Variants in FRK observed in about 807,000 individuals in gnomAD.
FRK encodes the protein tyrosine-protein kinase FRK.
A neutral mutation model predicts 56.4 loss-of-function variants in FRK; 51 were observed. That is an observed-to-expected ratio of 0.90 (90% CI 0.72 to 1.14). FRK has a LOEUF of 1.14. Among genes scored for constraint, FRK ranks in the 50% most tolerant of loss-of-function variants. FRK has a pLI of 0.00. For synonymous variants in FRK, 245 were observed against 217.9 expected (o/e 1.12, Z -1.10); for missense variants, 570 against 601.4 (o/e 0.95, Z 0.55).
At chr6:115,983,294 C>T (rs186726076) in intron 2 of FRK, among the ~76,000 whole-genome samples, 6 of 152,120 alleles carry the variant, frequency 3.9e-5, no homozygotes, top group South Asian at 2.1e-4. Flanking sequence ...GATTCTGAAG[C>T]CCACACTCTT....
chr6:116,069,310 G>A, the FRK span, among the ~76,000 whole-genome samples: 1 of 152,132 alleles, frequency 6.6e-6, no homozygotes, highest in South Asian at 2.1e-4. Context: ...GACTGAACAT[G>A]AGGATATGTA....
At chr6:116,001,674 G>C (rs1775069097) in intron 2 of FRK, among the ~76,000 whole-genome samples, 1 of 152,118 alleles carries the variant, frequency 6.6e-6, no homozygotes, top group South Asian at 2.1e-4. Flanking sequence ...TCCCTCATTT[G>C]CATAAATGAA....
chr6:115,980,316 T>A (rs947606785), intron 2 of FRK, among the ~76,000 whole-genome samples: 2 of 152,088 alleles, frequency 1.3e-5, no homozygotes, highest in African/African-American at 4.8e-5. Flanking sequence ...AAAAATTATG[T>A]AATTGTAAAA....
chr6:115,985,661 A>G (rs1296325911), intron 2 of FRK, among the ~76,000 whole-genome samples: 2 of 152,034 alleles, frequency 1.3e-5, no homozygotes, highest in Non-Finnish European at 2.9e-5. Flanking sequence ...ACCTACTTCA[A>G]ATAAATATGC....
At chr6:115,986,946 A>T (rs1189905465) in intron 2 of FRK, among the ~76,000 whole-genome samples, 1 of 152,070 alleles carries the variant, frequency 6.6e-6, no homozygotes, top group Non-Finnish European at 1.5e-5. Flanking sequence ...AAATTATCCA[A>T]ACAAACAAAA....
chr6:116,058,610 T>C (rs2114835724), intron 1 of FRK, among the ~76,000 whole-genome samples: 1 of 152,250 alleles, frequency 6.6e-6, no homozygotes, highest in Admixed American at 6.5e-5. Context: ...GAAACCATTC[T>C]ATAAAATGAG....
rs577281777 is a variant in FRK at position 115,991,405 on chromosome 6, G to T, written c.466+12472C>A. ...CCATTCAGTATGATGTTGGCTGTGGGTTTATCATCTAAGGCTCTTATTATT... is the reference window on the plus strand; with the variant it reads ...CCATTCAGTATGATGTTGGCTGTGGTTTTATCATCTAAGGCTCTTATTATT... On this transcript the variant is annotated intron_variant, in intron 2 of 7. Coordinates refer to ENST00000606080, the MANE Select transcript of FRK (RefSeq NM_002031.3). Among the ~76,000 whole-genome samples, 11 of 151,922 alleles carry T rather than the reference G, an allele frequency of 7.2e-5. No homozygotes were observed. In the East Asian group the frequency reaches 1.9e-3, roughly 27 times the overall value.
At chr6:115,994,122 A>G (rs1176993496) in intron 2 of FRK, among the ~76,000 whole-genome samples, 1 of 151,998 alleles carries the variant, frequency 6.6e-6, no homozygotes, top group Non-Finnish European at 1.5e-5. Context: ...AAAAAGTTCT[A>G]TTTCTTTGCC....
intron 1 of FRK, chr6:116,039,223 A>C (rs1776618478): frequency 6.8e-7 from 1 of 1,477,296 alleles, no homozygotes; most frequent in Non-Finnish European, 9.4e-7. Context: ...GAAGGACTGG[A>C]GCAAGGTCGT....
At chr6:116,085,603 A>T in the FRK span, among the ~76,000 whole-genome samples, 3 of 152,192 alleles carry the variant, frequency 2.0e-5, no homozygotes, top group Non-Finnish European at 4.4e-5. Flanking sequence ...ACTGTTCTTA[A>T]TACAATGTCT....
In FRK at chr6:115,966,072, A is replaced by G. The variant is rs866198840; in HGVS notation, c.799+1479T>C. Among the ~76,000 whole-genome samples, 182 of 32,618 alleles carry G rather than the reference A, an allele frequency of 5.6e-3. 4 individuals are homozygous for G. The highest frequency in any genetic ancestry group is 0.033 in the Middle Eastern group (2 of 60). The allele number at this position is 32,618 out of a possible 152,430, so 21.4% of individuals were successfully genotyped here. A position where few individuals can be genotyped will look rare whatever the true frequency, so the allele number is the denominator to read the frequency against. On this transcript the variant is annotated intron_variant, in intron 4 of 7. Coordinates refer to ENST00000606080, the MANE Select transcript of FRK (RefSeq NM_002031.3). Reference sequence around the variant, plus strand: ...TAATAAAAAAAAAATTAAAAAAAAAAAGAAATACTTAAAAAAAAAAGAAGT... The same window carrying G: ...TAATAAAAAAAAAATTAAAAAAAAAGAGAAATACTTAAAAAAAAAAGAAGT...
chr6:115,968,746 C>A lies in FRK; in HGVS notation c.467-7G>T. On this transcript the variant is annotated splice_region_variant and splice_polypyrimidine_tract_variant and intron_variant, in intron 2 of 7. Coordinates refer to ENST00000606080, the MANE Select transcript of FRK (RefSeq NM_002031.3). ...ACAACTGCTCCATCTAAAACTGGAACCCAAAATAATTCCTGTTAATAAACT... is the reference window on the plus strand; with the variant it reads ...ACAACTGCTCCATCTAAAACTGGAAACCAAAATAATTCCTGTTAATAAACT... 2.5e-6 allele frequency: 4 copies of A among 1,607,720 alleles called. No individual in the cohort carries two copies. The highest frequency in any genetic ancestry group is 3.4e-6 in the Non-Finnish European group (4 of 1,176,950).
chr6:116,015,778 G>A (rs1028014187), intron 1 of FRK, among the ~76,000 whole-genome samples: 1 of 152,176 alleles, frequency 6.6e-6, no homozygotes, highest in Non-Finnish European at 1.5e-5. Context: ...CCCTGCCCTA[G>A]TGATCTGTGG....
chr6:116,034,105 C>T (rs538543949), intron 1 of FRK, among the ~76,000 whole-genome samples: 51 of 152,168 alleles, frequency 3.4e-4, no homozygotes, highest in African/African-American at 1.2e-3. Flanking sequence ...ATGAATGCTC[C>T]TGCATTCATG....
chr6:116,038,641 G>A (rs1776578907), intron 1 of FRK: 1 of 320,640 alleles, frequency 3.1e-6, no homozygotes, highest in African/African-American at 2.2e-5. Context: ...TCACAACACA[G>A]GTTCTTACAT....
chr6:116,072,129 A>G, the FRK span, among the ~76,000 whole-genome samples: 1 of 152,154 alleles, frequency 6.6e-6, no homozygotes, highest in Non-Finnish European at 1.5e-5. Flanking sequence ...AATTATAACC[A>G]TCCTGCTAAA....
intron 2 of FRK, chr6:116,002,828 A>G: frequency 2.5e-6 from 1 of 405,876 alleles, no homozygotes; most frequent in South Asian, 1.8e-5. Flanking sequence ...GCTTCTCTCC[A>G]GCTCCAACCC....
intron 2 of FRK, 135 bp from the exon 3 acceptor site, chr6:115,968,874 A>T: frequency 1.3e-6 from 1 of 761,444 alleles, no homozygotes; most frequent in Admixed American, 3.0e-5. Flanking sequence ...TTGTCTCAGA[A>T]AAGATTTAAG....
chr6:115,999,798 AGT>A (rs1774984219), intron 2 of FRK, among the ~76,000 whole-genome samples: 1 of 152,196 alleles, frequency 6.6e-6, no homozygotes, highest in Non-Finnish European at 1.5e-5. Context: ...ATATATTGAA[AGT>A]CCTTTTTCTT....
Sources: allele counts gnomAD v4.1 joint callset (sites outside exome capture counted in the v4.1 genomes callset), GRCh38; gene constraint gnomAD v4.1.1; transcripts MANE v1.5; gene names NCBI Gene and HGNC (gene_info 2026-07-23, HGNC 2026-07-21).